The following PSTPIP2 variants were observed in gnomAD, a reference collection of about 807,000 sequenced individuals.
The protein encoded by PSTPIP2 is proline-serine-threonine phosphatase-interacting protein 2.
In PSTPIP2, 33 loss-of-function variants were observed where a neutral mutation model predicts 63.3. The observed-to-expected ratio is 0.52, with a 90% CI of 0.40 to 0.70. PSTPIP2 has a LOEUF of 0.70. Ranked by LOEUF, PSTPIP2 falls within the 30% of genes least tolerant of loss-of-function variation. The pLI is 0.00. For synonymous variants in PSTPIP2, 125 were observed against 132.7 expected, an observed-to-expected ratio of 0.94 and a Z score of 0.40; for missense variants, 312 against 400.7, an observed-to-expected ratio of 0.78 and a Z score of 1.89.
intron 1 of PSTPIP2, among the ~76,000 whole-genome samples, chr18:46,050,624 T>C (rs367829469): frequency 9.9e-5 from 15 of 152,204 alleles, no homozygotes; most frequent in African/African-American, 3.6e-4. Flanking sequence ...GCAATAAAGA[T>C]TATTTAAATA....
At chr18:46,046,166 G>A (rs377213932) in intron 1 of PSTPIP2, among the ~76,000 whole-genome samples, 59 of 152,284 alleles carry the variant, frequency 3.9e-4, no homozygotes, top group African/African-American at 1.3e-3. Flanking sequence ...CTTGGTGGGG[G>A]GAAAAGCCTC....
At chr18:45,999,360 T>C (rs2051639226) in intron 7 of PSTPIP2, 76 bp downstream of exon 7, 1 of 1,362,690 alleles carries the variant, frequency 7.3e-7, no homozygotes, top group South Asian at 1.2e-5. Flanking sequence ...GTTCATTTCT[T>C]ATGAAGATTC....
rs954197915 is a variant in PSTPIP2 at position 45,984,751 on chromosome 18, C to T, written c.*708G>A. ...GGGATCCACATAAAAATAAATCTGA[C>T]ATTTAAACCCTGGTGATTCTCCCAA... On this transcript the variant is annotated 3_prime_UTR_variant, in exon 15 of 15. Coordinates refer to ENST00000409746, the MANE Select transcript of PSTPIP2 (RefSeq NM_024430.4). The T allele has an allele frequency of 6.6e-6, 1 of 152,168 alleles. No individual in the cohort carries two copies. Among genetic ancestry groups the T allele is most frequent in the Non-Finnish European group, 1.5e-5 (1 of 68,048 alleles). The allele number at this position is 152,168 out of a possible 1,614,324, so 9.4% of individuals were successfully genotyped here. A position where few individuals can be genotyped will look rare whatever the true frequency, so the allele number is the denominator to read the frequency against.
In PSTPIP2 at chr18:46,048,530, T is replaced by C. The variant is rs1210194057; in HGVS notation, c.34-8483A>G. Among the ~76,000 whole-genome samples, 4 of 152,212 alleles carry C rather than the reference T, an allele frequency of 2.6e-5. No homozygotes were observed. The East Asian group carries it at 7.7e-4, about 29-fold the overall frequency. On this transcript the variant is annotated intron_variant, in intron 1 of 14. Transcript: ENST00000409746. ...AGTAATAGGGCAAATAAGCATCACG[T>C]GCCTTCTGTTACTGAGATTGACACA...
At position 45,988,714 on chromosome 18, in the gene PSTPIP2, T is replaced by C; in HGVS notation, c.1001A>G (p.Gln334Arg). 1.3e-6 allele frequency: 2 copies of C among 1,555,890 alleles called. No individual in the cohort carries two copies. The highest frequency in any genetic ancestry group is 1.8e-6 in the Non-Finnish European group (2 of 1,127,388). ...SLVDDYSLLY[Q>R] ...TAAAGGTTCTTACCATTGATTTTAC[T>C]GATAGAGCAAACTGTAGTCATCAAC... is the stretch of plus-strand genomic sequence containing the variant. Residue 334 changes from glutamine to arginine, a missense_variant, in exon 14 of 15, where the codon CAG becomes CGG. Coordinates refer to ENST00000409746, the MANE Select transcript of PSTPIP2 (RefSeq NM_024430.4).
intron 1 of PSTPIP2, among the ~76,000 whole-genome samples, chr18:46,050,808 G>A (rs1457279761): frequency 6.6e-6 from 1 of 151,790 alleles, no homozygotes; most frequent in Non-Finnish European, 1.5e-5. Context: ...TAACTGCAAA[G>A]AAAGGGACAC....
chr18:46,072,124 C>T (rs901108862), intron 1 of PSTPIP2, 32 bp downstream of exon 1: 7 of 1,526,912 alleles, frequency 4.6e-6, no homozygotes, highest in Middle Eastern at 2.1e-4. Context: ...GGGTCCTGAG[C>T]CCCGCGATCC....
rs756384731 is a variant in PSTPIP2, at chr18:46,006,360, C to CTTTTTTT, written c.355-836_355-830dup. On this transcript the variant is annotated intron_variant, in intron 5 of 14. Transcript: ENST00000409746. Reference sequence around the variant, plus strand: ...TGAGCCACCATGCCCAGCCCTGGTACTTTTTTTTTTTTTTTTTTTTTTTTT... The same window carrying CTTTTTTT: ...TGAGCCACCATGCCCAGCCCTGGTACTTTTTTTTTTTTTTTTTTTTTTTTTTTTTTTT... 1.2e-4 allele frequency among the ~76,000 whole-genome samples: 14 copies of CTTTTTTT among 115,646 alleles called. 7 individuals are homozygous for CTTTTTTT. The highest frequency in any genetic ancestry group is 7.4e-5 in the African/African-American group (2 of 27,118). The allele number at this position is 115,646 out of a possible 152,430, so 75.9% of individuals were successfully genotyped here.
chr18:46,057,633 A>G (rs1054060538), intron 1 of PSTPIP2, among the ~76,000 whole-genome samples: 1 of 151,994 alleles, frequency 6.6e-6, no homozygotes, highest in Non-Finnish European at 1.5e-5. Flanking sequence ...CCTGCCCAAA[A>G]CTATTTTTTC....
chr18:45,996,429 T>C (rs1387312062), intron 9 of PSTPIP2, among the ~76,000 whole-genome samples: 1 of 152,192 alleles, frequency 6.6e-6, no homozygotes, highest in Non-Finnish European at 1.5e-5. Flanking sequence ...CCTGCATTTC[T>C]AACAAGTTCC....
At chr18:46,040,626 A>G (rs964968077) in intron 1 of PSTPIP2, among the ~76,000 whole-genome samples, 1 of 152,200 alleles carries the variant, frequency 6.6e-6, no homozygotes, top group Non-Finnish European at 1.5e-5. Context: ...TCTTTCTGTA[A>G]CTGCAAACAT....
At chr18:46,048,533 C>T (rs980408092) in intron 1 of PSTPIP2, among the ~76,000 whole-genome samples, 4 of 152,174 alleles carry the variant, frequency 2.6e-5, no homozygotes, top group African/African-American at 9.6e-5. Context: ...CATCACGTGC[C>T]TTCTGTTACT....
At chr18:45,989,691 A>C (rs1465313306) in intron 13 of PSTPIP2, 2 of 152,254 alleles carry the variant, frequency 1.3e-5, no homozygotes, top group East Asian at 1.9e-4. Flanking sequence ...GGATCTTCTT[A>C]TTATTCAAGG....
intron 1 of PSTPIP2, among the ~76,000 whole-genome samples, chr18:46,068,765 G>T (rs1909284617): frequency 6.6e-6 from 1 of 152,122 alleles, no homozygotes; most frequent in South Asian, 2.1e-4. Flanking sequence ...ACCTGCATGG[G>T]AGTCCTAGAA....
intron 13 of PSTPIP2, among the ~76,000 whole-genome samples, chr18:45,990,116 AG>A (rs2051510869): frequency 6.6e-6 from 1 of 152,254 alleles, no homozygotes; most frequent in Non-Finnish European, 1.5e-5. Context: ...ATGTAATCCA[AG>A]GGGAACTATA....
At chr18:46,035,111 T>G (rs1310889581) in intron 2 of PSTPIP2, among the ~76,000 whole-genome samples, 1 of 152,092 alleles carries the variant, frequency 6.6e-6, no homozygotes, top group Non-Finnish European at 1.5e-5. Context: ...TAAAGTCCTA[T>G]GTAGAATGTT....
At chr18:46,013,342 G>A (rs894002327) in intron 4 of PSTPIP2, among the ~76,000 whole-genome samples, 3 of 152,090 alleles carry the variant, frequency 2.0e-5, no homozygotes, top group Admixed American at 6.6e-5. Flanking sequence ...ATTTACAAAC[G>A]TCTAGAATTA....
intron 2 of PSTPIP2, among the ~76,000 whole-genome samples, chr18:46,036,920 A>T (rs1325210153): frequency 1.3e-5 from 2 of 152,158 alleles, no homozygotes; most frequent in Non-Finnish European, 2.9e-5. Flanking sequence ...ACCCCATTAG[A>T]TATAGGGCAT....
rs183196866 is a variant in PSTPIP2 at position 46,058,921 on chromosome 18, T to G, written c.33+13235A>C. ...AGGCTGGTCCACTTCCATCTGGGTT[T>G]GGGTACAAGTTGCAGGTTTGGTATT... On this transcript the variant is annotated intron_variant, in intron 1 of 14. Coordinates refer to ENST00000409746, the MANE Select transcript of PSTPIP2 (RefSeq NM_024430.4). 1.1e-3 allele frequency among the ~76,000 whole-genome samples: 166 copies of G among 152,310 alleles called. 1 individual carries two copies. In the East Asian group the frequency reaches 0.015, roughly 13 times the overall value.
Sources: gnomAD v4.1 joint callset for allele counts (sites outside exome capture counted in the v4.1 genomes callset) on GRCh38, gnomAD v4.1.1 for gene constraint, MANE v1.5 for transcripts, NCBI Gene and HGNC (gene_info 2026-07-23, HGNC 2026-07-21) for gene names.